Variants in LUZP1 observed in about 807,000 individuals in gnomAD.
LUZP1 encodes the protein filamin mechanobinding actin cross-linking protein.
LUZP1 carries 25 observed loss-of-function variants against 71.3 expected under a neutral mutation model. The observed-to-expected ratio is 0.35, with a 90% CI of 0.26 to 0.49. The LOEUF is 0.49. LUZP1 is among the 20% of genes least tolerant of loss of function. The pLI is 0.99. For missense variants in LUZP1, 1,142 were observed against 1,300.8 expected, an observed-to-expected ratio of 0.88 and a Z score of 1.88; for synonymous variants, 481 against 506.4, an observed-to-expected ratio of 0.95 and a Z score of 0.67.
chr1:23,170,194 C>T (rs1355805252), intron 1 of LUZP1, among the ~76,000 whole-genome samples: 4 of 152,152 alleles, frequency 2.6e-5, no homozygotes. Context: ...AACTGACCTC[C>T]CATTTGTTTC....
intron 2 of LUZP1, among the ~76,000 whole-genome samples, chr1:23,115,878 A>G (rs1444564271): frequency 6.6e-6 from 1 of 152,150 alleles, no homozygotes; most frequent in Admixed American, 6.5e-5. Context: ...TCTACAATTG[A>G]GACTAGGCTT....
chr1:23,143,354 A>T (rs909488123), intron 2 of LUZP1, among the ~76,000 whole-genome samples: 5 of 152,196 alleles, frequency 3.3e-5, no homozygotes, highest in African/African-American at 1.2e-4. Flanking sequence ...GAATCTATGT[A>T]TAAAAAAGAA....
intron 2 of LUZP1, among the ~76,000 whole-genome samples, chr1:23,152,789 C>G (rs547852267): frequency 6.6e-6 from 1 of 152,198 alleles, no homozygotes; most frequent in South Asian, 2.1e-4. Flanking sequence ...CCTCGACCTC[C>G]CAAAGTGCTA....
chr1:23,139,085 G>GTA (rs1308653989), intron 2 of LUZP1, among the ~76,000 whole-genome samples: 5 of 133,388 alleles, frequency 3.7e-5, no homozygotes, highest in African/African-American at 5.7e-5. Flanking sequence ...TAATGTGTGT[G>GTA]TATATATATA....
At chr1:23,101,786 C>A (rs1464180551) in intron 3 of LUZP1, among the ~76,000 whole-genome samples, 4 of 152,172 alleles carry the variant, frequency 2.6e-5, no homozygotes, top group African/African-American at 7.2e-5. Flanking sequence ...AAGTAGACAC[C>A]TCTCTTTCTA....
chr1:23,091,450 T>G lies in LUZP1; in HGVS notation c.2812A>C (p.Thr938Pro), dbSNP rs770363337. The G allele has an allele frequency of 2.5e-6, 4 of 1,613,868 alleles. No individual in the cohort carries two copies. Among genetic ancestry groups the G allele is most frequent in the Admixed American group, 3.3e-5 (2 of 59,982 alleles). ...GATTCCACGTTTTTACCTATTCGAGTTGGGGGGTCTTCTAAAGATTTCAAG... is the reference window on the plus strand; with the variant it reads ...GATTCCACGTTTTTACCTATTCGAGGTGGGGGGTCTTCTAAAGATTTCAAG... Residue 938 changes from threonine (T) to proline (P), a missense_variant, in exon 4 of 5, where the codon ACT (threonine) becomes CCT (proline). Coordinates refer to ENST00000302291, the Ensembl canonical transcript of LUZP1.
chr1:23,136,180 G>C (rs1393843585), intron 2 of LUZP1, among the ~76,000 whole-genome samples: 1 of 152,036 alleles, frequency 6.6e-6, no homozygotes, highest in Non-Finnish European at 1.5e-5. Flanking sequence ...CAAATGATTA[G>C]AGTTAGTCAG....
rs139361200 is a variant in LUZP1 at position 23,101,001 on chromosome 1, C to T, written c.-119-6621G>A. The stretch of plus-strand genomic sequence containing the variant: ...TTCTTCCCATTATGCAAAATCACCT[C>T]CTTATAAACTCTTAAGCATTTTTAC... On this transcript the variant is annotated intron_variant, in intron 3 of 4. Transcript: ENST00000302291. Among the ~76,000 whole-genome samples, 480 of 152,270 alleles carry T rather than the reference C, an allele frequency of 3.2e-3. 6 individuals carry two copies. The highest frequency in any genetic ancestry group is 5.3e-3 in the Non-Finnish European group (363 of 68,014).
chr1:23,094,431 C>G lies in LUZP1; in HGVS notation c.-119-51G>C. 7.6e-7 allele frequency: 1 copy of G among 1,320,666 alleles called. No homozygotes were observed. The highest frequency in any genetic ancestry group is 9.8e-7 in the Non-Finnish European group (1 of 1,018,354). 81.8% of individuals were successfully genotyped at this position (1,320,666 alleles called of 1,614,324 possible). On this transcript the variant is annotated intron_variant, in intron 3 of 4. Coordinates refer to ENST00000302291, the Ensembl canonical transcript of LUZP1. This position sits in a 1 kb window ranked among gnomAD's most constrained non-coding sequence, Gnocchi z 4.7. ...TCAGTCAGCAAATGTAAAACCTGCACGTTAGCTCCCAGTTATAGAAAAGTG... is the reference window on the plus strand; with the variant it reads ...TCAGTCAGCAAATGTAAAACCTGCAGGTTAGCTCCCAGTTATAGAAAAGTG...
intron 3 of LUZP1, among the ~76,000 whole-genome samples, chr1:23,099,470 G>A (rs994673687): frequency 1.5e-5 from 1 of 66,148 alleles, no homozygotes. Flanking sequence ...CAATAAAGCT[G>A]TTAAAGAAAA....
Position 23,128,993 on chromosome 1 carries a change from TA to T in LUZP1, c.-225-19867del, listed in dbSNP as rs1186818089. Reference sequence around the variant, plus strand: ...AGTCTTTCCTAAGCTAAAGAGAAAATAAACAGAAAATATGCAACAATCTTTA... The same window carrying T: ...AGTCTTTCCTAAGCTAAAGAGAAAATAACAGAAAATATGCAACAATCTTTA... On this transcript the variant is annotated intron_variant, in intron 2 of 4. Transcript: ENST00000302291. Among the ~76,000 whole-genome samples the T allele has an allele frequency of 5.9e-5, 9 of 152,220 alleles. No homozygotes were observed. The East Asian group carries it at 1.7e-3, about 29-fold the overall frequency.
intron 4 of LUZP1, chr1:23,090,892 A>G (rs1024609543): frequency 4.2e-6 from 3 of 717,842 alleles, no homozygotes; most frequent in South Asian, 3.0e-5. Flanking sequence ...GAGCTCCTTT[A>G]GCTGCTCTGG....
intron 2 of LUZP1, among the ~76,000 whole-genome samples, chr1:23,147,214 G>T (rs1644350824): frequency 6.6e-6 from 1 of 151,628 alleles, no homozygotes; most frequent in South Asian, 2.1e-4. Flanking sequence ...GCCGAGACGG[G>T]TGGATCACTT....
intron 2 of LUZP1, among the ~76,000 whole-genome samples, chr1:23,136,372 A>G (rs1399617340): frequency 6.6e-6 from 1 of 151,608 alleles, no homozygotes; most frequent in Non-Finnish European, 1.5e-5. Flanking sequence ...GGAAAAAACA[A>G]AAACAATTTT....
At chr1:23,171,150 A>G (rs1190549283) in intron 1 of LUZP1, among the ~76,000 whole-genome samples, 1 of 150,222 alleles carries the variant, frequency 6.7e-6, no homozygotes, top group Non-Finnish European at 1.5e-5. Flanking sequence ...GTATTTTTAT[A>G]TATAACTACT....
At chr1:23,091,119 G>A in intron 4 of LUZP1, 71 bp downstream of exon 3, 1 of 1,438,564 alleles carries the variant, frequency 7.0e-7, no homozygotes, top group Non-Finnish European at 9.4e-7. Context: ...CCAGAGCAGA[G>A]GGGAAAAAGG....
At position 23,168,759 on chromosome 1, in the gene LUZP1, C is replaced by G. The variant is rs1213129472; in HGVS notation, c.-226+7G>C. 6.5e-6 allele frequency: 1 copy of G among 153,398 alleles called. No individual in the cohort carries two copies. The highest frequency in any genetic ancestry group is 2.4e-5 in the African/African-American group (1 of 41,384). 9.5% of individuals were successfully genotyped at this position (153,398 alleles called of 1,614,324 possible). On this transcript the variant is annotated splice_region_variant and intron_variant, in intron 2 of 4. Coordinates refer to ENST00000302291, the Ensembl canonical transcript of LUZP1. Reference sequence around the variant, plus strand: ...GCTCCCGCCGCCGCCGCCTCACGGACCCTCACCTCTGCGGCCCCGAACCGC... The same window carrying G: ...GCTCCCGCCGCCGCCGCCTCACGGAGCCTCACCTCTGCGGCCCCGAACCGC...
chr1:23,133,796 T>TAAAG (rs1421385127), intron 2 of LUZP1: 2 of 148,516 alleles, frequency 1.3e-5, no homozygotes, highest in Non-Finnish European at 3.0e-5. Flanking sequence ...AATAAATAAA[T>TAAAG]AAATAAAGAG....
intron 3 of LUZP1, among the ~76,000 whole-genome samples, chr1:23,100,542 T>C (rs551265960): frequency 2.6e-4 from 39 of 152,340 alleles, no homozygotes; most frequent in African/African-American, 8.7e-4. Flanking sequence ...TGTTCAGCTC[T>C]AGTTATCGGA....
Sources: gnomAD v4.1 joint callset for allele counts (sites outside exome capture counted in the v4.1 genomes callset) on GRCh38, gnomAD v4.1.1 for gene constraint, Gnocchi (gnomAD v3.1) non-coding constraint, MANE v1.5 for transcripts, NCBI Gene and HGNC (gene_info 2026-07-23, HGNC 2026-07-21) for gene names.